CDH8: variants seen among roughly 807,000 people sequenced by gnomAD.
CDH8 encodes cadherin 8.
Under a neutral mutation model 68.1 loss-of-function variants are expected in CDH8, and 17 were observed. The ratio of observed to expected loss-of-function variants is 0.25; its 90% CI spans 0.17 to 0.37. The LOEUF (loss-of-function observed/expected upper bound fraction) is 0.37, where lower values mean the gene tolerates loss of function less well. Ranked by LOEUF, CDH8 falls within the 10% of genes least tolerant of loss-of-function variation. The pLI is 1.00. For missense variants in CDH8, 763 were observed against 999.3 expected, an observed-to-expected ratio of 0.76 and a Z score of 3.19; for synonymous variants, 372 against 365.1, an observed-to-expected ratio of 1.02 and a Z score of -0.21.
chr16:62,024,536 G>A (rs887573229), intron 1 of CDH8, among the ~76,000 whole-genome samples: 2 of 152,146 alleles, frequency 1.3e-5, no homozygotes, highest in African/African-American at 4.8e-5. Context: ...ATGTTGGATG[G>A]ACTGCAGCAT....
intron 2 of CDH8, among the ~76,000 whole-genome samples, chr16:61,983,297 G>T (rs1271007248): frequency 6.6e-6 from 1 of 151,818 alleles, no homozygotes; most frequent in East Asian, 1.9e-4. Flanking sequence ...ATTTATTTTC[G>T]CCAAAGAATG....
intron 10 of CDH8, chr16:61,667,259 G>A (rs1963698274): frequency 6.6e-6 from 1 of 151,692 alleles, no homozygotes; most frequent in Admixed American, 6.6e-5. Context: ...TTAGTAATGT[G>A]GTATATCTAG....
chr16:61,839,413 T>A (rs1051426125), intron 4 of CDH8, among the ~76,000 whole-genome samples: 2 of 152,170 alleles, frequency 1.3e-5, no homozygotes, highest in Non-Finnish European at 2.9e-5. Flanking sequence ...AAGTATAAAA[T>A]AAGCCTGAAG....
intron 10 of CDH8, among the ~76,000 whole-genome samples, chr16:61,677,600 G>A (rs1485667922): frequency 1.3e-5 from 2 of 151,974 alleles, no homozygotes; most frequent in East Asian, 1.9e-4. Context: ...AACCAAAAAC[G>A]TGATTTGCTT....
chr16:61,701,016 C>T (rs755924547), intron 10 of CDH8, among the ~76,000 whole-genome samples: 6 of 151,982 alleles, frequency 3.9e-5, no homozygotes, highest in Admixed American at 1.3e-4. Flanking sequence ...CAAATATGTA[C>T]AGTTAATATG....
chr16:61,950,182 G>A (rs527368556), intron 2 of CDH8, among the ~76,000 whole-genome samples: 1 of 152,154 alleles, frequency 6.6e-6, no homozygotes, highest in South Asian at 2.1e-4. Flanking sequence ...TATACTCCCT[G>A]GTAAGTGATA....
chr16:61,750,095 C>T (rs1242484421), intron 8 of CDH8, among the ~76,000 whole-genome samples: 1 of 152,000 alleles, frequency 6.6e-6, no homozygotes, highest in Admixed American at 6.6e-5. Flanking sequence ...TCAGTGTCTA[C>T]TTCTGCCATC....
chr16:61,851,973 A>G (rs1481654854), intron 4 of CDH8, among the ~76,000 whole-genome samples: 4 of 152,054 alleles, frequency 2.6e-5, no homozygotes, highest in Non-Finnish European at 4.4e-5. Flanking sequence ...CCTGCTTCAA[A>G]CACCTTGGGC....
In CDH8 at chr16:62,013,128, G is replaced by A. The variant is rs1420609656; in HGVS notation, c.252+8024C>T. Among the ~76,000 whole-genome samples, 5 of 83,736 alleles carry A rather than the reference G, an allele frequency of 6.0e-5. 2 individuals carry two copies. The highest frequency in any genetic ancestry group is 2.1e-4 in the African/African-American group (5 of 23,812). 54.9% of individuals were successfully genotyped at this position (83,736 alleles called of 152,430 possible). On this transcript the variant is annotated intron_variant, in intron 2 of 11. Coordinates refer to ENST00000577390, the MANE Select transcript of CDH8 (RefSeq NM_001796.5). ...AAATTAGCCGGGCGCGGTGGCGGGCGCCTGTAGTCCCAGCTACTGGGGAGG... is the reference window on the plus strand; with the variant it reads ...AAATTAGCCGGGCGCGGTGGCGGGCACCTGTAGTCCCAGCTACTGGGGAGG...
chr16:61,977,734 T>A (rs1965462444), intron 2 of CDH8, among the ~76,000 whole-genome samples: 1 of 152,150 alleles, frequency 6.6e-6, no homozygotes, highest in African/African-American at 2.4e-5. Context: ...AGCATTCCCA[T>A]AAGACATCTG....
At chr16:61,719,044 G>A (rs934876503) in intron 9 of CDH8, among the ~76,000 whole-genome samples, 2 of 150,874 alleles carry the variant, frequency 1.3e-5, no homozygotes, top group African/African-American at 4.9e-5. Context: ...ATATTGTCTG[G>A]ATATTTTTGA....
intron 1 of CDH8, among the ~76,000 whole-genome samples, chr16:62,029,436 G>A (rs1166423708): frequency 6.6e-6 from 1 of 152,138 alleles, no homozygotes; most frequent in Non-Finnish European, 1.5e-5. Flanking sequence ...TAGCATTTTA[G>A]AAATAGCTTT....
chr16:61,861,629 A>C (rs1963151792), intron 3 of CDH8, among the ~76,000 whole-genome samples: 1 of 152,244 alleles, frequency 6.6e-6, no homozygotes, highest in African/African-American at 2.4e-5. Flanking sequence ...AATCACATGA[A>C]GTATAGAAAA....
chr16:61,769,623 A>G (rs1036604985), intron 8 of CDH8, among the ~76,000 whole-genome samples: 14 of 147,554 alleles, frequency 9.5e-5, no homozygotes, highest in Non-Finnish European at 1.9e-4. Flanking sequence ...TACAATTACA[A>G]TAATCCCATG....
At chr16:61,663,662 G>A (rs977973538) in intron 10 of CDH8, among the ~76,000 whole-genome samples, 1 of 151,776 alleles carries the variant, frequency 6.6e-6, no homozygotes, top group African/African-American at 2.4e-5. Context: ...TGATTCATTA[G>A]AACTAAGAAA....
chr16:61,900,375 C>T (rs1330277604), intron 3 of CDH8, among the ~76,000 whole-genome samples: 2 of 152,116 alleles, frequency 1.3e-5, no homozygotes, highest in East Asian at 3.9e-4. Context: ...TAAAAAATGG[C>T]TTTTGTAATC....
At chr16:62,019,166 T>C (rs1902013898) in intron 2 of CDH8, among the ~76,000 whole-genome samples, 1 of 152,232 alleles carries the variant, frequency 6.6e-6, no homozygotes, top group Non-Finnish European at 1.5e-5. Context: ...AAGAACGCCT[T>C]GCCTTAGGGC....
chr16:61,688,222 A>G (rs990170556), intron 10 of CDH8, among the ~76,000 whole-genome samples: 5 of 151,668 alleles, frequency 3.3e-5, no homozygotes, highest in African/African-American at 1.2e-4. Context: ...TTCCATACCC[A>G]CCTCCCTGCC....
intron 10 of CDH8, among the ~76,000 whole-genome samples, chr16:61,675,630 A>ATAAAT (rs1555501744): frequency 6.7e-6 from 1 of 148,342 alleles, no homozygotes; most frequent in Non-Finnish European, 1.5e-5. Flanking sequence ...AAAAAAATAA[A>ATAAAT]AAAAAATAAA....
Sources: allele counts gnomAD v4.1 joint callset (sites outside exome capture counted in the v4.1 genomes callset), GRCh38; gene constraint gnomAD v4.1.1; transcripts MANE v1.5; gene names NCBI Gene and HGNC (gene_info 2026-07-23, HGNC 2026-07-21).